HIVEP2: variants seen among roughly 807,000 people sequenced by gnomAD.
HIVEP2 encodes the protein HIVEP zinc finger 2.
A neutral mutation model predicts 180.7 loss-of-function variants in HIVEP2; 14 were observed. That is an observed-to-expected ratio of 0.08 (90% CI 0.05 to 0.12). HIVEP2 has a LOEUF of 0.12. Among genes scored for constraint, HIVEP2 ranks in the 10% least tolerant of loss-of-function variants. The pLI is 1.00. For synonymous variants in HIVEP2, 1,184 were observed against 1,136.4 expected (o/e 1.04, Z -0.84); for missense variants, 2,579 against 3,008.5 (o/e 0.86, Z 3.34).
At chr6:142,829,010 T>C (rs1463510340) in intron 2 of HIVEP2, among the ~76,000 whole-genome samples, 1 of 152,092 alleles carries the variant, frequency 6.6e-6, no homozygotes, top group Non-Finnish European at 1.5e-5. Context: ...GTTCAGAACT[T>C]TACTACCTCT....
At chr6:142,809,902 T>C (rs1375220985) in intron 2 of HIVEP2, among the ~76,000 whole-genome samples, 7 of 152,208 alleles carry the variant, frequency 4.6e-5, no homozygotes. Flanking sequence ...CCCAATATTC[T>C]AATTTTTAAA....
intron 5 of HIVEP2, 47 bp downstream of exon 5, chr6:142,769,505 C>T: frequency 6.6e-7 from 1 of 1,511,760 alleles, no homozygotes; most frequent in Non-Finnish European, 9.1e-7. Context: ...GTCTGCTCAG[C>T]AATCAAATCC....
chr6:142,826,415 T>C (rs1774903207), intron 2 of HIVEP2, among the ~76,000 whole-genome samples: 1 of 152,212 alleles, frequency 6.6e-6, no homozygotes, highest in South Asian at 2.1e-4. Flanking sequence ...GGTTGAAATA[T>C]CTTGCTAGTG....
intron 1 of HIVEP2, among the ~76,000 whole-genome samples, chr6:142,855,856 C>T (rs1157650516): frequency 6.6e-6 from 1 of 151,910 alleles, no homozygotes; most frequent in African/African-American, 2.4e-5. Context: ...ATTAAAAATA[C>T]ACTATGGTGG....
At chr6:142,799,962 G>A (rs1776366417) in intron 2 of HIVEP2, among the ~76,000 whole-genome samples, 1 of 152,016 alleles carries the variant, frequency 6.6e-6, no homozygotes, top group Admixed American at 6.6e-5. Context: ...CTCAAACCAG[G>A]GTCAAATTGC....
At chr6:142,936,268 C>T (rs1444521468) in intron 1 of HIVEP2, among the ~76,000 whole-genome samples, 4 of 151,798 alleles carry the variant, frequency 2.6e-5, no homozygotes, top group African/African-American at 9.7e-5. Context: ...TCTCGGCTCA[C>T]TGCAACCTCT....
intron 1 of HIVEP2, among the ~76,000 whole-genome samples, chr6:142,845,952 C>T (rs1033006574): frequency 1.3e-5 from 2 of 152,246 alleles, no homozygotes; most frequent in African/African-American, 4.8e-5. Flanking sequence ...GCAGGCTCCC[C>T]CTGCCGCAGG....
intron 1 of HIVEP2, among the ~76,000 whole-genome samples, chr6:142,849,188 A>G (rs1775586305): frequency 6.6e-6 from 1 of 152,204 alleles, no homozygotes; most frequent in South Asian, 2.1e-4. Flanking sequence ...TGGAGGAAGT[A>G]TGAAAAGTGC....
intron 6 of HIVEP2, among the ~76,000 whole-genome samples, chr6:142,765,823 T>A (rs895187572): frequency 1.1e-4 from 16 of 152,314 alleles, no homozygotes; most frequent in African/African-American, 3.8e-4. Flanking sequence ...CCATTCCATT[T>A]TAGAATACAA....
intron 1 of HIVEP2, among the ~76,000 whole-genome samples, chr6:142,860,438 A>T (rs1224011633): frequency 1.3e-5 from 2 of 152,182 alleles, no homozygotes; most frequent in African/African-American, 4.8e-5. Flanking sequence ...ACTGAAGTGC[A>T]CTGCATGTAT....
chr6:142,757,619 C>T (rs538685903), intron 9 of HIVEP2, among the ~76,000 whole-genome samples: 3 of 152,256 alleles, frequency 2.0e-5, no homozygotes, highest in East Asian at 1.9e-4. Context: ...GGTCGTGCCA[C>T]TGCACTCCAG....
At chr6:142,828,522 C>A (rs1468465648) in intron 2 of HIVEP2, among the ~76,000 whole-genome samples, 1 of 152,034 alleles carries the variant, frequency 6.6e-6, no homozygotes, top group Non-Finnish European at 1.5e-5. Context: ...CTACAACCTC[C>A]ACCTTCTGGG....
chr6:142,854,603 C>T (rs1040238390), intron 1 of HIVEP2, among the ~76,000 whole-genome samples: 5 of 152,054 alleles, frequency 3.3e-5, no homozygotes, highest in Admixed American at 6.6e-5. Context: ...TCAAGACAGC[C>T]GAACTTTAGG....
At chr6:142,859,834 C>CAAAAAAAAAAAAAAAAAAAAGAAAAAAA (rs1775926310) in intron 1 of HIVEP2, among the ~76,000 whole-genome samples, 1 of 73,612 alleles carries the variant, frequency 1.4e-5, no homozygotes, top group Non-Finnish European at 2.5e-5. Flanking sequence ...AACTCCGTCT[C>CAAAAAAAAAAAAAAAAAAAAGAAAAAAA]AAAAAAAAAA....
chr6:142,754,861 A>G (rs1400275299), intron 9 of HIVEP2, among the ~76,000 whole-genome samples: 1 of 152,206 alleles, frequency 6.6e-6, no homozygotes, highest in African/African-American at 2.4e-5. Context: ...TATTTTCTAT[A>G]CTGTTTCTGT....
intron 1 of HIVEP2, among the ~76,000 whole-genome samples, chr6:142,872,807 T>C (rs1204150235): frequency 1.3e-5 from 2 of 152,236 alleles, no homozygotes; most frequent in African/African-American, 4.8e-5. Flanking sequence ...AAAAGGAAGT[T>C]ATGATTTCAT....
intron 1 of HIVEP2, among the ~76,000 whole-genome samples, chr6:142,904,069 T>A (rs1777202649): frequency 6.6e-6 from 1 of 152,162 alleles, no homozygotes; most frequent in Admixed American, 6.5e-5. Flanking sequence ...TACCTCAGAC[T>A]AAACACAAAA....
chr6:142,795,517 G>T (rs1776258870), intron 2 of HIVEP2, among the ~76,000 whole-genome samples: 1 of 152,136 alleles, frequency 6.6e-6, no homozygotes, highest in African/African-American at 2.4e-5. Flanking sequence ...TATCAGACTT[G>T]CTCTGGTTTC....
chr6:142,793,419 A>G (rs1776187904), intron 2 of HIVEP2, among the ~76,000 whole-genome samples: 1 of 152,148 alleles, frequency 6.6e-6, no homozygotes, highest in Non-Finnish European at 1.5e-5. Context: ...TTAACCAATA[A>G]TTTAACAAAG....
Sources: gnomAD v4.1 joint callset for allele counts (sites outside exome capture counted in the v4.1 genomes callset) on GRCh38, gnomAD v4.1.1 for gene constraint, MANE v1.5 for transcripts, NCBI Gene and HGNC (gene_info 2026-07-23, HGNC 2026-07-21) for gene names.